Variants in GNG7 observed in about 807,000 individuals in gnomAD.
GNG7 encodes the protein G protein subunit gamma 7, also known as guanine nucleotide-binding protein G(I)/G(S)/G(O) subunit gamma-7.
In GNG7, 1 loss-of-function variant was observed where a neutral mutation model predicts 4.0. The ratio of observed to expected loss-of-function variants is 0.25; its 90% confidence interval spans 0.09 to 1.18. The LOEUF (loss-of-function observed/expected upper bound fraction) is 1.18. Ranked by LOEUF, GNG7 falls within the 50% of genes most tolerant of loss-of-function variation. The pLI, the probability that GNG7 is intolerant of heterozygous loss-of-function variation, is 0.50. For missense variants in GNG7, 86 were observed against 91.9 expected (o/e 0.94, Z 0.26); for synonymous variants, 34 against 36.9 (o/e 0.92, Z 0.29).
intron 1 of GNG7, among the ~76,000 whole-genome samples, chr19:2,680,140 GTC>G (rs926645959): frequency 5.6e-5 from 8 of 142,570 alleles, no homozygotes; most frequent in Non-Finnish European, 1.2e-4. Context: ...GTAAGACCTT[GTC>G]TCTTTTTTTT....
intron 2 of GNG7, chr19:2,643,929 A>T (rs1323562450): frequency 2.7e-5 from 8 of 292,386 alleles, no homozygotes; most frequent in Non-Finnish European, 5.4e-5. Flanking sequence ...GTGGAATTGT[A>T]CAATATGAAG....
chr19:2,559,221 G>A (rs1465334815), intron 2 of GNG7, among the ~76,000 whole-genome samples: 1 of 151,958 alleles, frequency 6.6e-6, no homozygotes, highest in African/African-American at 2.4e-5. Context: ...TCTGTTCTGT[G>A]AAGTCACCAC....
intron 2 of GNG7, among the ~76,000 whole-genome samples, chr19:2,562,321 T>C (rs1302463515): frequency 6.6e-6 from 1 of 151,848 alleles, no homozygotes; most frequent in Non-Finnish European, 1.5e-5. Flanking sequence ...TCTGGCTCTG[T>C]CGCCCAGGCT....
At chr19:2,701,222 CAATT>C (rs1375851252) in intron 1 of GNG7, 5 of 152,084 alleles carry the variant, frequency 3.3e-5, no homozygotes, top group Non-Finnish European at 5.9e-5. Context: ...CTAGAGCAAA[CAATT>C]AACATCTCCC....
Position 2,617,376 on chromosome 19 carries a change from C to G in GNG7, c.-78+28848G>C, listed in dbSNP as rs537318453. 3.1e-4 allele frequency among the ~76,000 whole-genome samples: 47 copies of G among 152,350 alleles called. 2 individuals carry two copies. The South Asian group carries it at 6.8e-3, about 22-fold the overall frequency. On this transcript the variant is annotated intron_variant, in intron 2 of 4. Coordinates refer to ENST00000382159, the MANE Select transcript of GNG7 (RefSeq NM_052847.3). This position sits in a 1 kb window ranked among gnomAD's most constrained non-coding sequence, Gnocchi z 4.7. ...GCCCGGCCCAGCCCTGCAGCTCTGA[C>G]CCTGCCTTGGGCTGTGAGCTCTGAG...
At chr19:2,521,850 G>A (rs957118242) in intron 3 of GNG7, among the ~76,000 whole-genome samples, 3 of 152,082 alleles carry the variant, frequency 2.0e-5, no homozygotes, top group Non-Finnish European at 4.4e-5. Flanking sequence ...CTGACCTCAG[G>A]TGATCCACCC....
intron 1 of GNG7, among the ~76,000 whole-genome samples, chr19:2,657,208 C>T (rs1293573851): frequency 6.7e-6 from 1 of 149,832 alleles, no homozygotes; most frequent in African/African-American, 2.5e-5. Flanking sequence ...GTGGTGCACA[C>T]CTGTAGTTCC....
At chr19:2,697,935 G>C (rs1443294974) in intron 1 of GNG7, among the ~76,000 whole-genome samples, 5 of 151,808 alleles carry the variant, frequency 3.3e-5, no homozygotes, top group Admixed American at 2.6e-4. Context: ...TGGCGCCACT[G>C]CACTCCAGCC....
intron 1 of GNG7, among the ~76,000 whole-genome samples, chr19:2,648,068 T>A (rs1324967553): frequency 7.4e-5 from 9 of 121,768 alleles, no homozygotes; most frequent in Admixed American, 3.4e-4. Flanking sequence ...GGATCCAGGA[T>A]AGGATCCTAA....
intron 3 of GNG7, chr19:2,538,341 C>T (rs780746927): frequency 1.5e-5 from 7 of 451,998 alleles, no homozygotes; most frequent in South Asian, 1.1e-4. Flanking sequence ...GTCAGGCCAT[C>T]AGCAGTGGTG....
intron 2 of GNG7, among the ~76,000 whole-genome samples, chr19:2,568,445 CAT>C (rs1483702314): frequency 2.3e-5 from 2 of 86,018 alleles, no homozygotes; most frequent in Admixed American, 1.2e-4. Flanking sequence ...TACATACACA[CAT>C]ACATATACAT....
chr19:2,518,025 G>A (rs547594706), intron 4 of GNG7, among the ~76,000 whole-genome samples: 2 of 152,350 alleles, frequency 1.3e-5, no homozygotes, highest in South Asian at 4.1e-4. Flanking sequence ...TTGGGAAGCG[G>A]CCCTCCTGGA....
chr19:2,628,111 C>T (rs1023872926), intron 2 of GNG7, among the ~76,000 whole-genome samples: 3 of 152,184 alleles, frequency 2.0e-5, no homozygotes, highest in East Asian at 1.9e-4. Context: ...GCAAACAACA[C>T]GGCAAGTGTA....
chr19:2,637,789 C>T (rs7259745), intron 2 of GNG7, among the ~76,000 whole-genome samples: 65,979 of 151,686 alleles, frequency 0.43, 15,143 homozygotes, highest in Non-Finnish European at 0.53. Context: ...CCAGGAGCAT[C>T]CCTCCATCAT....
intron 3 of GNG7, among the ~76,000 whole-genome samples, chr19:2,537,665 C>T (rs1322548579): frequency 6.6e-6 from 1 of 151,506 alleles, no homozygotes; most frequent in Admixed American, 6.6e-5. Context: ...GGGAAACTGG[C>T]CCTGGAGTGG....
At chr19:2,637,716 G>A (rs1448253843) in intron 2 of GNG7, among the ~76,000 whole-genome samples, 1 of 152,228 alleles carries the variant, frequency 6.6e-6, no homozygotes, top group Non-Finnish European at 1.5e-5. Flanking sequence ...GATTCTCTGG[G>A]GTGGGGCCGT....
intron 2 of GNG7, among the ~76,000 whole-genome samples, chr19:2,620,069 C>T (rs184957621): frequency 4.0e-5 from 6 of 151,600 alleles, no homozygotes; most frequent in East Asian, 1.9e-4. Context: ...TGGTGGTGCG[C>T]GCCTGTATTC....
At chr19:2,696,288 GAGAGAGAAAGAA>G (rs1318172978) in intron 1 of GNG7, among the ~76,000 whole-genome samples, 7 of 104,550 alleles carry the variant, frequency 6.7e-5, no homozygotes, top group African/African-American at 1.5e-4. Flanking sequence ...GAAAAAGAGA[GAGAGAGAAAGAA>G]AGAAAGAAAG....
chr19:2,529,086 G>A (rs920091445), intron 3 of GNG7, among the ~76,000 whole-genome samples: 8 of 152,212 alleles, frequency 5.3e-5, no homozygotes, highest in Admixed American at 6.5e-5. Context: ...GCCCCCCACC[G>A]CCGGCCCTGG....
Sources: allele counts gnomAD v4.1 joint callset (sites outside exome capture counted in the v4.1 genomes callset), GRCh38; gene constraint gnomAD v4.1.1; non-coding constraint Gnocchi (gnomAD v3.1); transcripts MANE v1.5; gene names NCBI Gene and HGNC (gene_info 2026-07-23, HGNC 2026-07-21).